CCDC68: variants seen among roughly 807,000 people sequenced by gnomAD.
CCDC68 encodes the protein coiled-coil domain-containing protein 68.
Under a neutral mutation model 47.1 loss-of-function variants are expected in CCDC68, and 45 were observed. The ratio of observed to expected loss-of-function variants is 0.96; its 90% CI spans 0.75 to 1.23. The LOEUF is 1.23. Ranked by LOEUF, CCDC68 falls within the 50% of genes most tolerant of loss-of-function variation. The pLI, the probability that CCDC68 is intolerant of heterozygous loss-of-function variation, is 0.00. For synonymous variants in CCDC68, 131 were observed against 129.5 expected, an observed-to-expected ratio of 1.01 and a Z score of -0.08; for missense variants, 353 against 373.6, an observed-to-expected ratio of 0.94 and a Z score of 0.45.
At chr18:54,939,527 T>C (rs1167210786) in intron 4 of CCDC68, among the ~76,000 whole-genome samples, 1 of 152,008 alleles carries the variant, frequency 6.6e-6, no homozygotes, top group East Asian at 2.0e-4. Context: ...AGGCCCTAGA[T>C]CACTATGGTG....
chr18:54,937,767 G>T, intron 5 of CCDC68, 190 bp downstream of exon 5: 1 of 445,548 alleles, frequency 2.2e-6, no homozygotes, highest in Non-Finnish European at 4.0e-6. Flanking sequence ...AACAAAAGAA[G>T]CCTCAAAAAT....
intron 7 of CCDC68, among the ~76,000 whole-genome samples, chr18:54,931,594 A>G (rs1336614293): frequency 6.6e-6 from 1 of 152,232 alleles, no homozygotes; most frequent in Non-Finnish European, 1.5e-5. Flanking sequence ...AATGATGATG[A>G]GGAACTAGGT....
rs140683060 is a variant in CCDC68 at position 54,929,214 on chromosome 18, C to T, written c.601-332G>A. Reference sequence around the variant, plus strand: ...ATGTAAACATCCTGCCCATCTCTCGCTAGACCCTGGCTCTCCCACCCTTAC... The same window carrying T: ...ATGTAAACATCCTGCCCATCTCTCGTTAGACCCTGGCTCTCCCACCCTTAC... On this transcript the variant is annotated intron_variant, in intron 7 of 11. Transcript: ENST00000591504. 1.5e-3 allele frequency among the ~76,000 whole-genome samples: 233 copies of T among 152,328 alleles called. 1 individual carries two copies. Among genetic ancestry groups the T allele is most frequent in the African/African-American group, 5.3e-3 (220 of 41,578 alleles).
At chr18:54,945,360 C>T (rs1463545639) in intron 2 of CCDC68, 28 bp downstream of exon 2, 1 of 152,110 alleles carries the variant, frequency 6.6e-6, no homozygotes, top group Non-Finnish European at 1.5e-5. Context: ...GAAGCCAAGA[C>T]TCCACTCCCA....
chr18:54,944,724 C>A (rs963150195), intron 2 of CCDC68, among the ~76,000 whole-genome samples: 2 of 152,062 alleles, frequency 1.3e-5, no homozygotes, highest in African/African-American at 2.4e-5. Context: ...TGAATTCCAG[C>A]TAATAAATTC....
At chr18:54,946,720 C>T (rs949235779) in intron 1 of CCDC68, among the ~76,000 whole-genome samples, 13 of 152,144 alleles carry the variant, frequency 8.5e-5, no homozygotes, top group African/African-American at 3.1e-4. Context: ...CTGAAAACTT[C>T]CCACCTTTTC....
intron 8 of CCDC68, among the ~76,000 whole-genome samples, chr18:54,926,312 G>A (rs1470309072): frequency 6.6e-6 from 1 of 152,236 alleles, no homozygotes; most frequent in African/African-American, 2.4e-5. Flanking sequence ...GGAAGGGCAA[G>A]TAAACATGTC....
intron 1 of CCDC68, among the ~76,000 whole-genome samples, chr18:54,949,798 G>A (rs2044583918): frequency 6.6e-6 from 1 of 152,326 alleles, no homozygotes; most frequent in South Asian, 2.1e-4. Context: ...CCCGCTGGAA[G>A]TGCAACTCAG....
At chr18:54,911,380 T>C (rs1008464936) in intron 10 of CCDC68, among the ~76,000 whole-genome samples, 4 of 152,194 alleles carry the variant, frequency 2.6e-5, no homozygotes, top group Non-Finnish European at 4.4e-5. Context: ...TTCCACCTGA[T>C]GGTTTGGATT....
chr18:54,932,680 C>T (rs1354206064), intron 7 of CCDC68, among the ~76,000 whole-genome samples: 2 of 152,152 alleles, frequency 1.3e-5, no homozygotes, highest in Non-Finnish European at 2.9e-5. Context: ...CTCCTGGAGA[C>T]AGCCCACTGT....
At chr18:54,919,431 T>C (rs1279324565) in intron 8 of CCDC68, 55 bp from the exon 9 acceptor site, 35 of 1,371,268 alleles carry the variant, frequency 2.6e-5, no homozygotes, top group Non-Finnish European at 3.4e-5. Context: ...ACACGTTCCA[T>C]AGCTCGTCCT....
At chr18:54,920,234 TTC>T (rs1368991588) in intron 8 of CCDC68, among the ~76,000 whole-genome samples, 109 of 32,890 alleles carry the variant, frequency 3.3e-3, no homozygotes, top group Non-Finnish European at 5.0e-3. Context: ...TCTTTCTTTT[TTC>T]TTTTTTTTTT....
chr18:54,917,507 ATATT>A (rs1279219730), intron 10 of CCDC68, among the ~76,000 whole-genome samples: 2 of 152,218 alleles, frequency 1.3e-5, no homozygotes, highest in African/African-American at 2.4e-5. Context: ...TAATTTAATA[ATATT>A]TATTTAATAT....
intron 3 of CCDC68, among the ~76,000 whole-genome samples, chr18:54,942,078 A>G (rs915893715): frequency 7.4e-4 from 112 of 152,202 alleles, no homozygotes; most frequent in African/African-American, 2.7e-3. Context: ...GATTACAGGC[A>G]TGAGCCACTG....
chr18:54,924,489 A>G (rs1441801633), intron 8 of CCDC68, among the ~76,000 whole-genome samples: 1 of 152,200 alleles, frequency 6.6e-6, no homozygotes, highest in South Asian at 2.1e-4. Context: ...CAAAAAGAGA[A>G]GAGAATCTCT....
chr18:54,931,767 G>A (rs1474247416), intron 7 of CCDC68, among the ~76,000 whole-genome samples: 4 of 152,110 alleles, frequency 2.6e-5, no homozygotes, highest in Non-Finnish European at 4.4e-5. Flanking sequence ...TGTGCTTATG[G>A]AATTCATTCT....
chr18:54,950,410 T>C (rs2044593350), intron 1 of CCDC68, among the ~76,000 whole-genome samples: 1 of 152,158 alleles, frequency 6.6e-6, no homozygotes, highest in Non-Finnish European at 1.5e-5. Context: ...CACAGCACAA[T>C]GGTGACATCC....
At chr18:54,936,543 C>T (rs556009812) in intron 6 of CCDC68, among the ~76,000 whole-genome samples, 3 of 152,112 alleles carry the variant, frequency 2.0e-5, no homozygotes, top group African/African-American at 4.8e-5. Flanking sequence ...AGCCCAGCTC[C>T]GCAGAGCCAG....
At chr18:54,913,922 G>A (rs759849134) in intron 10 of CCDC68, among the ~76,000 whole-genome samples, 2 of 152,178 alleles carry the variant, frequency 1.3e-5, no homozygotes, top group African/African-American at 2.4e-5. Context: ...CATGTGCTCA[G>A]GGATGCCCTC....
Sources: allele counts gnomAD v4.1 joint callset (sites outside exome capture counted in the v4.1 genomes callset), GRCh38; gene constraint gnomAD v4.1.1; transcripts MANE v1.5; gene names NCBI Gene and HGNC (gene_info 2026-07-23, HGNC 2026-07-21).